CHRNA2: variants seen among roughly 807,000 people sequenced by gnomAD.
CHRNA2 encodes cholinergic receptor nicotinic alpha 2 subunit.
A neutral mutation model predicts 45.5 loss-of-function variants in CHRNA2; 40 were observed. The observed-to-expected ratio is 0.88, with a 90% confidence interval of 0.68 to 1.15. CHRNA2 has a LOEUF of 1.15. CHRNA2 is among the 50% of genes most tolerant of loss of function. The pLI is 0.00. For synonymous variants in CHRNA2, 301 were observed against 296.7 expected, an observed-to-expected ratio of 1.01 and a Z score of -0.15; for missense variants, 655 against 701.7, an observed-to-expected ratio of 0.93 and a Z score of 0.75.
Position 27,469,769 on chromosome 8 carries a change from T to C in CHRNA2, c.286A>G (p.Ile96Val), listed in dbSNP as rs149615415. The C allele has an allele frequency of 1.9e-6, 3 of 1,614,002 alleles. No individual in the cohort carries two copies. Among genetic ancestry groups the C allele is most frequent in the African/African-American group, 2.7e-5 (2 of 74,904 alleles). ...VRFGLSIAQL[I>V]DVDEKNQMMT... is the part of the protein sequence containing the mutation. ...TGGGAAGACAGGCGCACCACATCGA[T>C]GAGCTGAGCGATGGACAGTCCAAAG... Residue 96 changes from isoleucine to valine, a missense_variant, in exon 3 of 7, where the codon ATC (isoleucine) becomes GTC (valine). Around this residue, in one of 3 missense-constraint regions of CHRNA2, gnomAD observed 323 missense variants for 354.4 expected, o/e 0.91. Transcript: ENST00000407991.
At chr8:27,472,461 C>T (rs527487530) in intron 1 of CHRNA2, among the ~76,000 whole-genome samples, 8 of 152,282 alleles carry the variant, frequency 5.3e-5, no homozygotes, top group African/African-American at 9.6e-5. Context: ...AGCTTGCTTG[C>T]GGGTGAGGAG....
intron 2 of CHRNA2, among the ~76,000 whole-genome samples, 158 bp downstream of exon 2, chr8:27,470,828 T>G (rs1812856559): frequency 6.6e-6 from 1 of 152,222 alleles, no homozygotes; most frequent in Non-Finnish European, 1.5e-5. Context: ...TGACTGCCCC[T>G]CCACCTCTGC....
At chr8:27,466,558 A>G (rs1392712204) in intron 5 of CHRNA2, among the ~76,000 whole-genome samples, 1 of 152,348 alleles carries the variant, frequency 6.6e-6, no homozygotes, top group South Asian at 2.1e-4. Context: ...CCCACCTTAG[A>G]AAACCTTTTT....
At chr8:27,466,069 TG>T (rs1241030144) in intron 5 of CHRNA2, among the ~76,000 whole-genome samples, 1 of 152,178 alleles carries the variant, frequency 6.6e-6, no homozygotes, top group Non-Finnish European at 1.5e-5. Context: ...GTGCCAGCTA[TG>T]GGGCACAGAG....
chr8:27,467,177 C>A, intron 5 of CHRNA2, 52 bp downstream of exon 5: 3 of 1,426,064 alleles, frequency 2.1e-6, no homozygotes, highest in Non-Finnish European at 2.0e-6. Context: ...ATGGACCCGG[C>A]CCCTGCAAGT....
chr8:27,468,505 A>G (rs1025589348), intron 4 of CHRNA2, among the ~76,000 whole-genome samples: 7 of 152,208 alleles, frequency 4.6e-5, no homozygotes, highest in Non-Finnish European at 7.3e-5. Flanking sequence ...AACAAGATCA[A>G]TGCTGGCCCA....
Position 27,475,791 on chromosome 8 carries a change from A to T in CHRNA2, c.-137+3033T>A, listed in dbSNP as rs146613332. Among the ~76,000 whole-genome samples the T allele has an allele frequency of 4.9e-3, 741 of 152,356 alleles. 2 individuals carry two copies. Among genetic ancestry groups the T allele is most frequent in the Non-Finnish European group, 7.7e-3 (526 of 68,032 alleles). On this transcript the variant is annotated intron_variant, in intron 1 of 6. Coordinates refer to ENST00000407991, the MANE Select transcript of CHRNA2 (RefSeq NM_000742.4). ...ATCACCTTAGGGCTGAGGCCTAGGA[A>T]ATGGGATCGCTACATTGATCTGAAA...
At chr8:27,472,797 TATG>T (rs1173159975) in intron 1 of CHRNA2, among the ~76,000 whole-genome samples, 1 of 152,190 alleles carries the variant, frequency 6.6e-6, no homozygotes, top group Non-Finnish European at 1.5e-5. Context: ...GGGGGAATTT[TATG>T]ATATTTGAAT....
intron 4 of CHRNA2, 32 bp from the exon 5 acceptor site, chr8:27,467,370 G>T: frequency 6.5e-7 from 1 of 1,543,440 alleles, no homozygotes; most frequent in Non-Finnish European, 9.0e-7. Flanking sequence ...TGTCAACCTC[G>T]CTTCCAGGGA....
Position 27,473,533 on chromosome 8 carries a change from G to GCC in CHRNA2, c.-136-2341_-136-2340dup, listed in dbSNP as rs33973638. Among the ~76,000 whole-genome samples, 13 of 104,466 alleles carry GCC rather than the reference G, an allele frequency of 1.2e-4. 1 individual carries two copies. The highest frequency in any genetic ancestry group is 4.8e-4 in the African/African-American group (13 of 27,312). 68.5% of individuals were successfully genotyped at this position (104,466 alleles called of 152,430 possible). A position where few individuals can be genotyped will look rare whatever the true frequency, so the allele number is the denominator to read the frequency against. On this transcript the variant is annotated intron_variant, in intron 1 of 6. Coordinates refer to ENST00000407991, the MANE Select transcript of CHRNA2 (RefSeq NM_000742.4). ...TGGGCAACATAGTGAGACCCCCCCC[G>GCC]CCGTCTCTACAAAAAATTCAAAAAT...
Position 27,463,124 on chromosome 8 carries a change from C to T in CHRNA2, c.1319G>A (p.Gly440Asp), listed in dbSNP as rs747952090. 1.9e-6 allele frequency: 3 copies of T among 1,607,556 alleles called. No homozygotes were observed. Among genetic ancestry groups the T allele is most frequent in the Non-Finnish European group, 2.6e-6 (3 of 1,174,624 alleles). Reference sequence around the variant, plus strand: ...ACCTGAGGCCCCAGAGTGCAGGTGGCCGTGGCTGCAGAGGGTGCCCACAGA... The same window carrying T: ...ACCTGAGGCCCCAGAGTGCAGGTGGTCGTGGCTGCAGAGGGTGCCCACAGA... ...APSVGTLCSHGHLHSGASGPK... is the reference protein window; with the variant it reads ...APSVGTLCSHDHLHSGASGPK... The change falls in exon 6 of 7, where the codon GGC becomes GAC. Residue 440 changes from glycine (G) to aspartate (D), a missense_variant. Transcript: ENST00000407991. The surrounding 1 kb of genome is among the most constrained non-coding windows in gnomAD (Gnocchi z 6.1).
At chr8:27,473,857 C>A (rs1018383663) in intron 1 of CHRNA2, among the ~76,000 whole-genome samples, 3 of 152,190 alleles carry the variant, frequency 2.0e-5, no homozygotes, top group Non-Finnish European at 4.4e-5. Flanking sequence ...CATCACTAAT[C>A]CTCCATCTCT....
intron 6 of CHRNA2, among the ~76,000 whole-genome samples, chr8:27,462,052 G>A (rs1812510561): frequency 6.6e-6 from 1 of 152,244 alleles, no homozygotes; most frequent in Non-Finnish European, 1.5e-5. Flanking sequence ...ACGCAAGGAG[G>A]CGGCACGACC....
At chr8:27,473,284 A>G (rs1324129243) in intron 1 of CHRNA2, among the ~76,000 whole-genome samples, 1 of 152,208 alleles carries the variant, frequency 6.6e-6, no homozygotes, top group Non-Finnish European at 1.5e-5. Context: ...TTCTGGAACT[A>G]GATAGTGGTG....
At chr8:27,474,064 C>A (rs1812986478) in intron 1 of CHRNA2, among the ~76,000 whole-genome samples, 1 of 152,146 alleles carries the variant, frequency 6.6e-6, no homozygotes, top group African/African-American at 2.4e-5. Flanking sequence ...GTGACGGGAG[C>A]AAACGGGATC....
Position 27,463,459 on chromosome 8 carries a change from G to A in CHRNA2, c.984C>T (p.Ile328=), listed in dbSNP as rs371858399. ...TCATGGTGAACAGCAGGTACTCGCC[G>A]ATGAGCGGGATGACCAGCGAGGTGG... The part of the protein sequence containing the change: ...IPSTSLVIPL[I]GEYLLFTMIF... The change falls in exon 6 of 7, where the codon ATC becomes ATT. Residue 328 remains isoleucine (I), a synonymous_variant. Coordinates refer to ENST00000407991, the MANE Select transcript of CHRNA2 (RefSeq NM_000742.4). This position sits in a 1 kb window ranked among gnomAD's most constrained non-coding sequence, Gnocchi z 6.1. 2.6e-5 allele frequency: 42 copies of A among 1,614,180 alleles called. No homozygotes were observed. Among genetic ancestry groups the A allele is most frequent in the African/African-American group, 2.4e-4 (18 of 75,052 alleles).
intron 4 of CHRNA2, 25 bp downstream of exon 4, chr8:27,469,310 T>G: frequency 6.6e-7 from 1 of 1,524,382 alleles, no homozygotes; most frequent in Non-Finnish European, 8.8e-7. Flanking sequence ...ACCCGCCACC[T>G]GGACTGGAGG....
At chr8:27,464,158 A>G (rs1043862205) in intron 5 of CHRNA2, among the ~76,000 whole-genome samples, 165 bp from the exon 6 acceptor site, 2 of 152,206 alleles carry the variant, frequency 1.3e-5, no homozygotes, top group South Asian at 2.1e-4. Context: ...ATGCACATTT[A>G]TAGCCACTGA....
At chr8:27,464,057 G>A (rs975114904) in intron 5 of CHRNA2, 64 bp from the exon 6 acceptor site, 125 of 1,594,420 alleles carry the variant, frequency 7.8e-5, no homozygotes, top group Non-Finnish European at 9.9e-5. Context: ...AGGCTACTCA[G>A]AGAGCTGGCA....
Sources: allele counts gnomAD v4.1 joint callset (sites outside exome capture counted in the v4.1 genomes callset), GRCh38; gene constraint gnomAD v4.1.1; regional missense constraint gnomAD v4.1.1; non-coding constraint Gnocchi (gnomAD v3.1); transcripts MANE v1.5; gene names NCBI Gene and HGNC (gene_info 2026-07-23, HGNC 2026-07-21).